The following PRRX2 variants were observed in gnomAD, a reference collection of about 807,000 sequenced individuals.
PRRX2 encodes paired mesoderm homeobox protein 2.
Under a neutral mutation model 18.0 loss-of-function variants are expected in PRRX2, and 11 were observed. That is an observed-to-expected ratio of 0.61 (90% CI 0.39 to 1.01). PRRX2 has a LOEUF of 1.01. PRRX2 is among the 50% of genes least tolerant of loss of function. The pLI, the probability that PRRX2 is intolerant of heterozygous loss-of-function variation, is 0.01. For synonymous variants in PRRX2, 177 were observed against 154.8 expected, an observed-to-expected ratio of 1.14 and a Z score of -1.06; for missense variants, 387 against 351.0, an observed-to-expected ratio of 1.10 and a Z score of -0.82.
rs990030690 is a variant in PRRX2, at chr9:129,709,033, G to A, written c.260-10198G>A. ...GAGAAGGCCTAGGAGTCCATAACAAGGAGACCTGCGCTTGTATGGGAGCCG... is the reference window on the plus strand; with the variant it reads ...GAGAAGGCCTAGGAGTCCATAACAAAGAGACCTGCGCTTGTATGGGAGCCG... On this transcript the variant is annotated intron_variant, in intron 1 of 3. Transcript: ENST00000372469. This position sits in a 1 kb window ranked among gnomAD's most constrained non-coding sequence, Gnocchi z 4.2. Among the ~76,000 whole-genome samples the A allele has an allele frequency of 6.6e-6, 1 of 152,234 alleles. No individual in the cohort carries two copies. The highest frequency in any genetic ancestry group is 1.5e-5 in the Non-Finnish European group (1 of 68,048).
Position 129,675,823 on chromosome 9 carries a change from C to G in PRRX2, c.259+9697C>G, listed in dbSNP as rs1388423575. On this transcript the variant is annotated intron_variant, in intron 1 of 3. Coordinates refer to ENST00000372469, the MANE Select transcript of PRRX2 (RefSeq NM_016307.4). The surrounding 1 kb of genome is among the most constrained non-coding windows in gnomAD (Gnocchi z 4.4). ...GCGCCTGGCAGGGGCCTCGCAGCCT[C>G]TCTCGCCGCCAGAGCTCTGCGCGGG... Among the ~76,000 whole-genome samples the G allele has an allele frequency of 1.3e-5, 2 of 152,224 alleles. No individual in the cohort carries two copies. The highest frequency in any genetic ancestry group is 2.9e-5 in the Non-Finnish European group (2 of 68,030).
At chr9:129,707,054 G>C (rs1440397869) in intron 1 of PRRX2, among the ~76,000 whole-genome samples, 1 of 152,138 alleles carries the variant, frequency 6.6e-6, no homozygotes, top group Non-Finnish European at 1.5e-5. Flanking sequence ...TCAAGAGTTC[G>C]AGATTAGCCT....
chr9:129,714,166 C>T (rs1316375361), intron 1 of PRRX2, among the ~76,000 whole-genome samples: 1 of 151,460 alleles, frequency 6.6e-6, no homozygotes. Flanking sequence ...ATTAGCCAGG[C>T]ATGTGGCGGA....
intron 1 of PRRX2, among the ~76,000 whole-genome samples, chr9:129,706,991 C>T (rs556238359): frequency 2.0e-5 from 3 of 152,292 alleles, no homozygotes; most frequent in East Asian, 1.9e-4. Flanking sequence ...TGCAGTGGCT[C>T]ACGCCTATAA....
intron 1 of PRRX2, among the ~76,000 whole-genome samples, chr9:129,681,255 C>T (rs1348795467): frequency 6.6e-6 from 1 of 152,214 alleles, no homozygotes; most frequent in Non-Finnish European, 1.5e-5. Flanking sequence ...TGTGATGGCT[C>T]ACACCTGTAA....
At position 129,689,925 on chromosome 9, in the gene PRRX2, G is replaced by A. The variant is rs571931394; in HGVS notation, c.259+23799G>A. Among the ~76,000 whole-genome samples, 565 of 151,504 alleles carry A rather than the reference G, an allele frequency of 3.7e-3. 2 individuals carry two copies. Among genetic ancestry groups the A allele is most frequent in the Non-Finnish European group, 6.2e-3 (420 of 67,896 alleles). ...GCGCCATCACGCCTGGCTATTTTTT[G>A]TATTTTTAGTAGAGACGGGGTTTCA... is the stretch of plus-strand genomic sequence containing the variant. On this transcript the variant is annotated intron_variant, in intron 1 of 3. Coordinates refer to ENST00000372469, the MANE Select transcript of PRRX2 (RefSeq NM_016307.4).
At chr9:129,703,290 A>T (rs935090964) in intron 1 of PRRX2, among the ~76,000 whole-genome samples, 3 of 152,156 alleles carry the variant, frequency 2.0e-5, no homozygotes, top group African/African-American at 7.2e-5. Flanking sequence ...AGGAGTCTGA[A>T]CGGTCTCTGC....
rs1282354245 is a variant in PRRX2, at chr9:129,720,579, C to T, written c.448-17C>T. 7.6e-6 allele frequency: 12 copies of T among 1,589,388 alleles called. No individual in the cohort carries two copies. The highest frequency in any genetic ancestry group is 1.0e-5 in the Non-Finnish European group (12 of 1,166,390). On this transcript the variant is annotated splice_polypyrimidine_tract_variant and intron_variant, in intron 2 of 3. Transcript: ENST00000372469. ...CCCCCTGCCCATGCTGCACCCTGCT[C>T]ACCCTCCCACCCACAGGTCTGGTTT... is the stretch of plus-strand genomic sequence containing the variant.
intron 1 of PRRX2, among the ~76,000 whole-genome samples, chr9:129,702,555 T>C (rs1832510905): frequency 1.3e-5 from 2 of 152,278 alleles, no homozygotes; most frequent in South Asian, 4.1e-4. Flanking sequence ...TATTTCATTT[T>C]AATCAGTGAG....
At chr9:129,667,456 T>C (rs1484329149) in intron 1 of PRRX2, among the ~76,000 whole-genome samples, 1 of 151,454 alleles carries the variant, frequency 6.6e-6, no homozygotes, top group Non-Finnish European at 1.5e-5. Flanking sequence ...AGAGGAGAGG[T>C]CCCGGTTTAC....
chr9:129,713,062 C>T (rs959735603), intron 1 of PRRX2: 1 of 152,260 alleles, frequency 6.6e-6, no homozygotes, highest in Non-Finnish European at 1.5e-5. Context: ...GAGGCGAGCG[C>T]CAGAGCCCCC....
intron 1 of PRRX2, among the ~76,000 whole-genome samples, chr9:129,688,480 C>G (rs1832320862): frequency 1.3e-5 from 2 of 152,212 alleles, no homozygotes; most frequent in African/African-American, 4.8e-5. Flanking sequence ...CTCCCACAGT[C>G]TCTGCCCCAG....
chr9:129,669,175 A>T (rs1429793190), intron 1 of PRRX2, among the ~76,000 whole-genome samples: 3 of 145,652 alleles, frequency 2.1e-5, no homozygotes, highest in Non-Finnish European at 4.5e-5. Flanking sequence ...TAATTTAAAA[A>T]TTTTTGTTTG....
chr9:129,679,203 C>T (rs1179003855), intron 1 of PRRX2, among the ~76,000 whole-genome samples: 2 of 152,134 alleles, frequency 1.3e-5, no homozygotes, highest in African/African-American at 4.8e-5. Flanking sequence ...TGCATGACGA[C>T]CCTGGGGTGG....
chr9:129,719,815 CAT>C (rs1332075231), intron 2 of PRRX2, among the ~76,000 whole-genome samples: 1 of 152,156 alleles, frequency 6.6e-6, no homozygotes, highest in African/African-American at 2.4e-5. Flanking sequence ...AATGAAACCC[CAT>C]CTTTACTAAA....
At chr9:129,713,032 G>C (rs1832650389) in intron 1 of PRRX2, 2 of 152,278 alleles carry the variant, frequency 1.3e-5, no homozygotes, top group South Asian at 2.1e-4. Context: ...ACAAATATCC[G>C]GCACATCCGC....
chr9:129,699,015 C>T (rs1832463765), intron 1 of PRRX2, among the ~76,000 whole-genome samples: 1 of 152,276 alleles, frequency 6.6e-6, no homozygotes, highest in South Asian at 2.1e-4. Context: ...CCCTTCCCCA[C>T]AGGAAGGCCG....
chr9:129,714,075 G>T (rs993579560), intron 1 of PRRX2, among the ~76,000 whole-genome samples: 1 of 151,494 alleles, frequency 6.6e-6, no homozygotes, highest in Non-Finnish European at 1.5e-5. Flanking sequence ...GGCCAAGGCA[G>T]GTGGATCACC....
chr9:129,676,621 C>T (rs1181993400), intron 1 of PRRX2, among the ~76,000 whole-genome samples: 4 of 152,192 alleles, frequency 2.6e-5, no homozygotes, highest in Admixed American at 6.5e-5. Context: ...TGCCCTCAGA[C>T]GGCTTCCAGT....
Sources: allele counts gnomAD v4.1 joint callset (sites outside exome capture counted in the v4.1 genomes callset), GRCh38; gene constraint gnomAD v4.1.1; non-coding constraint Gnocchi (gnomAD v3.1); transcripts MANE v1.5; gene names NCBI Gene and HGNC (gene_info 2026-07-23, HGNC 2026-07-21).